Variants in PRKX observed in about 807,000 individuals in gnomAD.
PRKX encodes the protein cAMP-dependent protein kinase catalytic subunit PRKX.
A neutral mutation model predicts 22.0 loss-of-function variants in PRKX; 12 were observed. The ratio of observed to expected loss-of-function variants is 0.54; its 90% CI spans 0.35 to 0.88. The LOEUF (loss-of-function observed/expected upper bound fraction) is 0.88. Among genes scored for constraint, PRKX ranks in the 40% least tolerant of loss-of-function variants. The pLI is 0.01. For missense variants in PRKX, 217 were observed against 308.0 expected (o/e 0.70, Z 2.21); for synonymous variants, 134 against 137.7 (o/e 0.97, Z 0.19).
rs186221699 is a variant in PRKX at position 3,711,583 on chromosome X, G to C, written c.166+1505C>G. Reference sequence around the variant, plus strand: ...ACGCTGGTGCTGAGTGCCAAGGAACGGCTGGACCTCATCAATTTTCCATTG... The same window carrying C: ...ACGCTGGTGCTGAGTGCCAAGGAACCGCTGGACCTCATCAATTTTCCATTG... On this transcript the variant is annotated intron_variant, in intron 1 of 8. Coordinates refer to ENST00000262848, the MANE Select transcript of PRKX (RefSeq NM_005044.5). Among the ~76,000 whole-genome samples, 20 of 112,159 alleles carry C rather than the reference G, an allele frequency of 1.8e-4. No individual in the cohort carries two copies. The East Asian group carries it at 4.0e-3, about 22-fold the overall frequency.
At chrX:3,653,945 TATATA>T (rs1330675322) in intron 3 of PRKX, among the ~76,000 whole-genome samples, 24 of 80,189 alleles carry the variant, frequency 3.0e-4, no homozygotes, top group Non-Finnish European at 2.4e-4. Context: ...CTATGTGATA[TATATA>T]ATATATATTA....
At position 3,713,467 on chromosome X, in the gene PRKX, G is replaced by A. The variant is rs756682439; in HGVS notation, c.-214C>T. ...ACGGCACAAGCAGCAACGGCCCCGA[G>A]TGGGAGCAGCCGCCGGCCTCGGGGG... On this transcript the variant is annotated 5_prime_UTR_variant, in exon 1 of 9. Coordinates refer to ENST00000262848, the MANE Select transcript of PRKX (RefSeq NM_005044.5). The A allele has an allele frequency of 1.5e-5, 4 of 275,033 alleles. No homozygotes were observed. Among genetic ancestry groups the A allele is most frequent in the Non-Finnish European group, 2.5e-5 (4 of 159,080 alleles). The allele number at this position is 275,033 out of a possible 1,213,427, so 22.7% of individuals were successfully genotyped here.
At chrX:3,645,797 G>A (rs1445657669) in intron 3 of PRKX, among the ~76,000 whole-genome samples, 1 of 111,762 alleles carries the variant, frequency 8.9e-6, no homozygotes, top group Non-Finnish European at 1.9e-5. Context: ...AGCCAGTCAT[G>A]GTGGCTCACA....
Position 3,654,812 on chromosome X carries a change from G to A in PRKX, c.599+337C>T, listed in dbSNP as rs181414478. On this transcript the variant is annotated intron_variant, in intron 3 of 8. Coordinates refer to ENST00000262848, the MANE Select transcript of PRKX (RefSeq NM_005044.5). The stretch of plus-strand genomic sequence containing the variant: ...TTTTAAGAGATATTGTATCCTATTC[G>A]ATGCAGATCTATTTTATAGTCAGGG... Among the ~76,000 whole-genome samples, 258 of 110,407 alleles carry A rather than the reference G, an allele frequency of 2.3e-3. 1 individual carries two copies. The highest frequency in any genetic ancestry group is 8.2e-3 in the African/African-American group (248 of 30,345).
intron 1 of PRKX, among the ~76,000 whole-genome samples, chrX:3,694,497 G>C (rs757365696): frequency 9.0e-6 from 1 of 110,702 alleles, no homozygotes; most frequent in African/African-American, 3.3e-5. Context: ...AGGCAGACTG[G>C]AGTGATATAG....
At chrX:3,614,891 T>G (rs770915500) in intron 7 of PRKX, among the ~76,000 whole-genome samples, 4 of 110,305 alleles carry the variant, frequency 3.6e-5, no homozygotes, top group African/African-American at 1.3e-4. Context: ...CATAAATATG[T>G]ACCTGTGATA....
chrX:3,685,001 GAGATGGGGTT>G (rs1928147793), intron 1 of PRKX, among the ~76,000 whole-genome samples: 1 of 111,032 alleles, frequency 9.0e-6, no homozygotes, highest in Non-Finnish European at 1.9e-5. Flanking sequence ...ATTTTTAGTA[GAGATGGGGTT>G]TAACCATGTT....
rs1239958784 is a variant in PRKX at position 3,654,456 on chromosome X, G to T, written c.599+693C>A. Among the ~76,000 whole-genome samples the T allele has an allele frequency of 7.5e-5, 4 of 53,129 alleles. No individual in the cohort carries two copies. The East Asian group carries it at 2.0e-3, about 27-fold the overall frequency. 46.1% of individuals were successfully genotyped at this position (53,129 alleles called of 115,157 possible). A position where few individuals can be genotyped will look rare whatever the true frequency, so the allele number is the denominator to read the frequency against. On this transcript the variant is annotated intron_variant, in intron 3 of 8. Coordinates refer to ENST00000262848, the MANE Select transcript of PRKX (RefSeq NM_005044.5). The stretch of plus-strand genomic sequence containing the variant: ...CAGGTGTGTATGGAATATTCAATTT[G>T]GTTTTTTTTTTTTTTTTTTTTGTTT...
At chrX:3,701,426 T>C (rs374689482) in intron 1 of PRKX, among the ~76,000 whole-genome samples, 7 of 112,625 alleles carry the variant, frequency 6.2e-5, no homozygotes, top group Non-Finnish European at 1.3e-4. Context: ...GAAGGTGTCA[T>C]TGTAAACAAA....
At chrX:3,691,568 T>C (rs894798229) in intron 1 of PRKX, among the ~76,000 whole-genome samples, 1 of 110,772 alleles carries the variant, frequency 9.0e-6, no homozygotes, top group African/African-American at 3.3e-5. Flanking sequence ...ACCCTTGAGA[T>C]CAGCTTCTCA....
chrX:3,648,605 CCTGTGTGTGTGT>C (rs1458147254), intron 3 of PRKX, among the ~76,000 whole-genome samples: 8 of 46,169 alleles, frequency 1.7e-4, no homozygotes, highest in African/African-American at 2.8e-4. Flanking sequence ...TCTCTCTACT[CCTGTGTGTGTGT>C]GTGTGTGTGT....
intron 1 of PRKX, among the ~76,000 whole-genome samples, chrX:3,699,247 G>T (rs1332734744): frequency 9.1e-6 from 1 of 109,766 alleles, no homozygotes; most frequent in Non-Finnish European, 1.9e-5. Flanking sequence ...ATGTTGCCCA[G>T]GCTGGTCTCA....
chrX:3,659,870 G>A (rs1281951309), intron 2 of PRKX, among the ~76,000 whole-genome samples: 5 of 109,916 alleles, frequency 4.5e-5, no homozygotes, highest in South Asian at 7.8e-4. Context: ...GATTACAGGC[G>A]CATGCCACCA....
At chrX:3,659,782 T>C (rs1247124180) in intron 2 of PRKX, among the ~76,000 whole-genome samples, 1 of 98,953 alleles carries the variant, frequency 1.0e-5, no homozygotes, top group Non-Finnish European at 2.0e-5. Flanking sequence ...TGGAGTGCAA[T>C]GGCACGATCT....
rs200046936 is a variant in PRKX at position 3,665,147 on chromosome X, C to CAT, written c.335+9450_335+9451insAT. 9.5e-3 allele frequency among the ~76,000 whole-genome samples: 1,059 copies of CAT among 111,146 alleles called. 11 individuals carry two copies. Among genetic ancestry groups the CAT allele is most frequent in the African/African-American group, 0.031 (960 of 30,588 alleles). ...GCGTGCATGTGTGTGTGCACGTGCA[C>CAT]GTGTGTGTGCTTGTGTGTGTGCGTG... On this transcript the variant is annotated intron_variant, in intron 2 of 8. Coordinates refer to ENST00000262848, the MANE Select transcript of PRKX (RefSeq NM_005044.5).
chrX:3,613,059 G>A (rs1270615180), intron 7 of PRKX, among the ~76,000 whole-genome samples: 4 of 101,146 alleles, frequency 4.0e-5, no homozygotes, highest in Non-Finnish European at 6.0e-5. Context: ...GCTGAGGCAG[G>A]AGAATCGCTT....
chrX:3,665,206 T>G (rs1052024459), intron 2 of PRKX, among the ~76,000 whole-genome samples: 4 of 111,708 alleles, frequency 3.6e-5, no homozygotes, highest in Non-Finnish European at 7.5e-5. Context: ...GGGGGCTTTT[T>G]TAACACAAAG....
rs893317758 is a variant in PRKX at position 3,631,810 on chromosome X, G to C, written c.720-5296C>G. Among the ~76,000 whole-genome samples the C allele has an allele frequency of 5.3e-5, 6 of 112,717 alleles. No homozygotes were observed. The Admixed American group carries it at 5.6e-4, about 11-fold the overall frequency. ...GCTGGAGCCCCCAGGAACTGGGAGA[G>C]GCAGAAAGGATCCTTCCCTGGAGTA... is the stretch of plus-strand genomic sequence containing the variant. On this transcript the variant is annotated intron_variant, in intron 4 of 8. Transcript: ENST00000262848.
intron 1 of PRKX, among the ~76,000 whole-genome samples, chrX:3,683,542 A>C (rs765522866): frequency 8.9e-6 from 1 of 111,913 alleles, no homozygotes; most frequent in Admixed American, 9.5e-5. Context: ...AACCAAGTTC[A>C]AATTGTAAAC....
Sources: gnomAD v4.1 joint callset for allele counts (sites outside exome capture counted in the v4.1 genomes callset) on GRCh38, gnomAD v4.1.1 for gene constraint, MANE v1.5 for transcripts, NCBI Gene and HGNC (gene_info 2026-07-23, HGNC 2026-07-21) for gene names.